The following NTRK3 variants were observed in gnomAD, a reference collection of about 807,000 sequenced individuals.
NTRK3 encodes neurotrophic receptor tyrosine kinase 3, also known as NT-3 growth factor receptor.
NTRK3 carries 24 observed loss-of-function variants against 91.7 expected under a neutral mutation model. That is an observed-to-expected ratio of 0.26 (90% CI 0.19 to 0.37). The LOEUF (loss-of-function observed/expected upper bound fraction) is 0.37, where lower values mean the gene tolerates loss of function less well. Ranked by LOEUF, NTRK3 falls within the 10% of genes least tolerant of loss-of-function variation. The pLI, the probability that NTRK3 is intolerant of heterozygous loss-of-function variation, is 1.00. For synonymous variants in NTRK3, 483 were observed against 404.0 expected (o/e 1.20, Z -2.34); for missense variants, 880 against 1,068.9 (o/e 0.82, Z 2.46).
intron 14 of NTRK3, among the ~76,000 whole-genome samples, chr15:87,975,760 C>T (rs144732497): frequency 1.5e-4 from 23 of 152,280 alleles, no homozygotes; most frequent in African/African-American, 4.6e-4. Context: ...TCCCCATAGT[C>T]GTCCATAGTC....
At chr15:88,036,513 G>T (rs578191548) in intron 13 of NTRK3, among the ~76,000 whole-genome samples, 17 of 152,310 alleles carry the variant, frequency 1.1e-4, no homozygotes, top group African/African-American at 9.6e-5. Context: ...GTCTTAGCAT[G>T]CATCAGGAAG....
At chr15:88,098,986 G>A (rs2049908705) in intron 13 of NTRK3, 1 of 232,334 alleles carries the variant, frequency 4.3e-6, no homozygotes, top group Non-Finnish European at 8.5e-6. Context: ...CCAAAGCGAA[G>A]GGCTCATATA....
At chr15:88,135,763 A>T in intron 9 of NTRK3, 136 bp downstream of exon 9, 1 of 1,205,206 alleles carries the variant, frequency 8.3e-7, no homozygotes, top group African/African-American at 1.5e-5. Context: ...GTCCTGCCCT[A>T]CAAGAGTCCT....
chr15:88,246,534 A>G (rs889399776), intron 3 of NTRK3, among the ~76,000 whole-genome samples: 1 of 152,196 alleles, frequency 6.6e-6, no homozygotes, highest in African/African-American at 2.4e-5. Context: ...CCTCCATGAT[A>G]CTAGCCCCAC....
intron 13 of NTRK3, among the ~76,000 whole-genome samples, chr15:88,078,658 A>G (rs1597172163): frequency 6.6e-6 from 1 of 152,142 alleles, no homozygotes; most frequent in African/African-American, 2.4e-5. Flanking sequence ...TCAAAGTTAA[A>G]AACAACAACA....
chr15:88,231,468 T>TACACAC (rs147875811), intron 3 of NTRK3, among the ~76,000 whole-genome samples: 20 of 149,196 alleles, frequency 1.3e-4, no homozygotes, highest in African/African-American at 3.2e-4. Context: ...TATATGTAAA[T>TACACAC]ACACACACAC....
chr15:87,868,159 T>G (rs2064738252), exon 19 of NTRK3: 3 of 230,692 alleles, frequency 1.3e-5, no homozygotes, highest in Non-Finnish European at 2.6e-5. Context: ...GTGGAGGCTT[T>G]TGTGTGTGTG....
At chr15:87,996,325 G>A (rs1477504282) in intron 14 of NTRK3, among the ~76,000 whole-genome samples, 2 of 152,150 alleles carry the variant, frequency 1.3e-5, no homozygotes, top group African/African-American at 4.8e-5. Context: ...GGGCTTGCAG[G>A]CTATAGTTTG....
rs577621957 is a variant in NTRK3 at position 88,159,015 on chromosome 15, A to T, written c.396-11612T>A. Among the ~76,000 whole-genome samples, 3 of 152,350 alleles carry T rather than the reference A, an allele frequency of 2.0e-5. No homozygotes were observed. In the South Asian group the frequency reaches 6.2e-4, roughly 32 times the overall value. On this transcript the variant is annotated intron_variant, in intron 5 of 18. Coordinates refer to ENST00000394480, the Ensembl canonical transcript of NTRK3. ...GGAACAGAGGTACAGCTGCAGGCCAAGCCCCCGGGCTGAGAGAGAGCTGCC... is the reference window on the plus strand; with the variant it reads ...GGAACAGAGGTACAGCTGCAGGCCATGCCCCCGGGCTGAGAGAGAGCTGCC...
At chr15:88,056,116 T>C (rs2045652503) in intron 13 of NTRK3, among the ~76,000 whole-genome samples, 1 of 150,196 alleles carries the variant, frequency 6.7e-6, no homozygotes, top group Non-Finnish European at 1.5e-5. Flanking sequence ...CCTGGAGCTC[T>C]CAACTGAACA....
intron 10 of NTRK3, among the ~76,000 whole-genome samples, chr15:88,131,608 C>A (rs1244435474): frequency 6.6e-6 from 1 of 152,140 alleles, no homozygotes. Context: ...AAGAGAGGTG[C>A]CAGATCAATT....
chr15:88,057,071 A>G (rs1466208361), intron 13 of NTRK3, among the ~76,000 whole-genome samples: 4 of 150,106 alleles, frequency 2.7e-5, no homozygotes, highest in Non-Finnish European at 1.5e-5. Flanking sequence ...CGGGAGGCTG[A>G]GGCAGGAGAA....
At chr15:87,973,359 A>C (rs2073424710) in intron 14 of NTRK3, among the ~76,000 whole-genome samples, 2 of 152,196 alleles carry the variant, frequency 1.3e-5, no homozygotes, top group Non-Finnish European at 2.9e-5. Context: ...GGGCCTCAGA[A>C]TCCTGATGGA....
intron 5 of NTRK3, among the ~76,000 whole-genome samples, chr15:88,152,492 G>A (rs2043476839): frequency 6.6e-6 from 1 of 152,190 alleles, no homozygotes; most frequent in African/African-American, 2.4e-5. Flanking sequence ...AAGTCACAGG[G>A]AGGAGAAAAT....
At chr15:87,993,868 G>C (rs2075474149) in intron 14 of NTRK3, among the ~76,000 whole-genome samples, 1 of 152,180 alleles carries the variant, frequency 6.6e-6, no homozygotes, top group Admixed American at 6.5e-5. Context: ...TGACTGCAAA[G>C]AGGAGCTAAA....
chr15:88,127,149 A>G lies in NTRK3; in HGVS notation c.1293+13T>C. 1 of 1,612,518 alleles carries G rather than the reference A, an allele frequency of 6.2e-7. No individual in the cohort carries two copies. Among genetic ancestry groups the G allele is most frequent in the Non-Finnish European group, 8.5e-7 (1 of 1,178,816 alleles). On this transcript the variant is annotated intron_variant, in intron 12 of 18. Transcript: ENST00000394480. ...CCAGTCAACACACTCCTCTTGACCAAGAAGTGACTCACCCCAAAAGTGTCT... is the reference window on the plus strand; with the variant it reads ...CCAGTCAACACACTCCTCTTGACCAGGAAGTGACTCACCCCAAAAGTGTCT...
intron 6 of NTRK3, chr15:88,143,961 T>G (rs1278779048): frequency 1.3e-5 from 2 of 152,210 alleles, no homozygotes; most frequent in African/African-American, 4.8e-5. Context: ...TCAAGATACA[T>G]TAAGGATCCT....
intron 13 of NTRK3, among the ~76,000 whole-genome samples, chr15:88,103,338 A>T (rs954239170): frequency 2.6e-5 from 4 of 152,116 alleles, no homozygotes; most frequent in Non-Finnish European, 4.4e-5. Flanking sequence ...CCACAATATC[A>T]ACTCCTGCCT....
At chr15:88,089,247 C>T (rs2048789165) in intron 13 of NTRK3, among the ~76,000 whole-genome samples, 1 of 152,184 alleles carries the variant, frequency 6.6e-6, no homozygotes, top group South Asian at 2.1e-4. Context: ...GCCAGTTACT[C>T]ACCCTTCTTA....
Sources: allele counts gnomAD v4.1 joint callset (sites outside exome capture counted in the v4.1 genomes callset), GRCh38; gene constraint gnomAD v4.1.1; transcripts MANE v1.5; gene names NCBI Gene and HGNC (gene_info 2026-07-23, HGNC 2026-07-21).